ZC3H13: variants seen among roughly 807,000 people sequenced by gnomAD.
ZC3H13 encodes zinc finger CCCH domain-containing protein 13.
In ZC3H13, 64 loss-of-function variants were observed where a neutral mutation model predicts 204.1. The ratio of observed to expected loss-of-function variants is 0.31; its 90% CI spans 0.26 to 0.39. ZC3H13 has a LOEUF of 0.39. ZC3H13 is among the 10% of genes least tolerant of loss of function. The pLI is 1.00. For missense variants in ZC3H13, 1,833 were observed against 2,082.7 expected (o/e 0.88, Z 2.33); for synonymous variants, 667 against 693.7 (o/e 0.96, Z 0.60).
intron 7 of ZC3H13, among the ~76,000 whole-genome samples, chr13:46,006,370 A>G (rs2041150944): frequency 6.6e-6 from 1 of 152,014 alleles, no homozygotes; most frequent in South Asian, 2.1e-4. Flanking sequence ...ATAAAATAAA[A>G]TAAAATAAAA....
intron 4 of ZC3H13, among the ~76,000 whole-genome samples, chr13:46,021,101 T>C (rs1706886802): frequency 6.6e-6 from 1 of 152,016 alleles, no homozygotes; most frequent in Non-Finnish European, 1.5e-5. Flanking sequence ...GTCATTTTCC[T>C]AGACACCCAA....
intron 17 of ZC3H13, chr13:45,963,551 T>A: frequency 8.9e-7 from 1 of 1,128,994 alleles, no homozygotes; most frequent in Non-Finnish European, 1.1e-6. Context: ...CCTCCCTGAG[T>A]AGCTGTGACT....
At position 45,967,940 on chromosome 13, in the gene ZC3H13, G is replaced by A; in HGVS notation, c.3885C>T (p.Ser1295=). 1 of 1,613,822 alleles carries A rather than the reference G, an allele frequency of 6.2e-7. No individual in the cohort carries two copies. Among genetic ancestry groups the A allele is most frequent in the Non-Finnish European group, 8.5e-7 (1 of 1,179,892 alleles). Residue 1295 remains serine (S), a synonymous_variant, in exon 15 of 19, where the codon AGC becomes AGT. Transcript: ENST00000679008. Reference sequence around the variant, plus strand: ...GATCTCGTTCTTGAAGCCTGTCTCTGCTATCAAATGACCCAGATCTTGAAT... The same window carrying A: ...GATCTCGTTCTTGAAGCCTGTCTCTACTATCAAATGACCCAGATCTTGAAT... The part of the protein sequence containing the change: ...QVHSRSGSFD[S]RDRLQERDRY...
rs768609441 is a variant in ZC3H13 at position 45,967,787 on chromosome 13, CTCTCGT to C, written c.4032_4037del (p.Glu1348_Arg1349del). The C allele has an allele frequency of 8.7e-6, 14 of 1,611,782 alleles. 1 individual carries two copies. The South Asian group carries it at 9.9e-5, about 11-fold the overall frequency. On this transcript the variant is annotated inframe_deletion, in exon 15 of 19. Transcript: ENST00000679008. ...AGTCTCTCCTTTTGTCTCGTTCTCT[CTCTCGT>C]TCTCGTTCTCGCAATCTATCTCGAT...
intron 17 of ZC3H13, 40 bp from the exon 18 acceptor site, chr13:45,959,686 A>C: frequency 6.7e-7 from 1 of 1,481,532 alleles, no homozygotes; most frequent in Non-Finnish European, 9.0e-7. Context: ...TTTTACTAAA[A>C]TAGAAAAGGG....
At position 45,969,509 on chromosome 13, in the gene ZC3H13, C is replaced by T; in HGVS notation, c.3035G>A (p.Gly1012Asp). The T allele has an allele frequency of 6.2e-7, 1 of 1,604,110 alleles. No homozygotes were observed. The highest frequency in any genetic ancestry group is 8.5e-7 in the Non-Finnish European group (1 of 1,177,660). ...SIEKKRKKSKGDSDISDEEAA... is the reference protein window; with the variant it reads ...SIEKKRKKSKDDSDISDEEAA... Reference sequence around the variant, plus strand: ...TTCTTCATCAGAAATATCAGAATCACCTTTGGATTTTTTACGTTTTTTTTC... The same window carrying T: ...TTCTTCATCAGAAATATCAGAATCATCTTTGGATTTTTTACGTTTTTTTTC... Residue 1012 changes from glycine (G) to aspartate (D), a missense_variant, in exon 14 of 19, where the codon GGT becomes GAT. Coordinates refer to ENST00000679008, the MANE Select transcript of ZC3H13 (RefSeq NM_001330564.2).
rs552313436 is a variant in ZC3H13 at position 46,052,617 on chromosome 13, T to C, written c.-223A>G. 8 of 398,698 alleles carry C rather than the reference T, an allele frequency of 2.0e-5. No homozygotes were observed. The South Asian group carries it at 1.0e-3, about 51-fold the overall frequency. The allele number at this position is 398,698 out of a possible 1,614,324, so 24.7% of individuals were successfully genotyped here. A position where few individuals can be genotyped will look rare whatever the true frequency, so the allele number is the denominator to read the frequency against. On this transcript the variant is annotated 5_prime_UTR_variant, in exon 1 of 19. Coordinates refer to ENST00000679008, the MANE Select transcript of ZC3H13 (RefSeq NM_001330564.2). ...GCAGAACCAACCCGCCCGCCGCCTC[T>C]CCAGGGTCAAGCGAAACTGGGTCGC...
At chr13:46,032,380 C>A (rs67260464) in intron 4 of ZC3H13, among the ~76,000 whole-genome samples, 1,916 of 55,468 alleles carry the variant, frequency 0.035, 28 homozygotes, top group Non-Finnish European at 0.056. Context: ...AAAAAAAAAA[C>A]AGAGAAAATG....
chr13:46,009,299 C>T (rs1426387090), intron 7 of ZC3H13, among the ~76,000 whole-genome samples: 4 of 152,004 alleles, frequency 2.6e-5, no homozygotes, highest in Non-Finnish European at 5.9e-5. Flanking sequence ...AATGAAAAAC[C>T]ACTGAGTTTT....
In ZC3H13 at chr13:45,975,925, T is replaced by TA. The variant is rs1953005607; in HGVS notation, c.1913-88_1913-87insT. ...CATGGTAAATCTTAAATTTTATCTG[T>TA]GATAGGGTCACACTGGCAACAAATT... On this transcript the variant is annotated intron_variant, in intron 11 of 18. Transcript: ENST00000679008. 3.7e-6 allele frequency: 5 copies of TA among 1,338,618 alleles called. No homozygotes were observed. The African/African-American group carries it at 1.0e-4, about 27-fold the overall frequency. 82.9% of individuals were successfully genotyped at this position (1,338,618 alleles called of 1,614,324 possible).
At chr13:46,028,434 G>GT (rs1234744459) in intron 4 of ZC3H13, among the ~76,000 whole-genome samples, 1 of 152,166 alleles carries the variant, frequency 6.6e-6, no homozygotes, top group African/African-American at 2.4e-5. Context: ...TAAAAACACA[G>GT]TTGAACTCAA....
At chr13:46,018,464 A>G (rs1335162210) in intron 5 of ZC3H13, among the ~76,000 whole-genome samples, 1 of 152,008 alleles carries the variant, frequency 6.6e-6, no homozygotes, top group Non-Finnish European at 1.5e-5. Context: ...ACAAATGAAC[A>G]AGATTGCTGA....
intron 11 of ZC3H13, among the ~76,000 whole-genome samples, chr13:45,976,578 C>A (rs1160948816): frequency 1.3e-5 from 2 of 152,122 alleles, no homozygotes; most frequent in African/African-American, 2.4e-5. Context: ...TAACTGATAA[C>A]CTCATCACAT....
In ZC3H13 at chr13:46,003,175, T is replaced by C. The variant is rs778368729; in HGVS notation, c.908A>G (p.Asp303Gly). Residue 303 changes from aspartate to glycine, a missense_variant, in exon 8 of 19, where the codon GAT (aspartate) becomes GGT (glycine). This residue lies in a region of ZC3H13 where 1,574 missense variants were observed against 1,757.2 expected (regional missense o/e 0.90). Transcript: ENST00000679008. ...TCTCTTTTCTCTTTGTCGTTCAAAATCTCGTCCTCTGTCCTTTCCATCTCT... is the reference window on the plus strand; with the variant it reads ...TCTCTTTTCTCTTTGTCGTTCAAAACCTCGTCCTCTGTCCTTTCCATCTCT... ...KTRDGKDRGR[D>G]FERQREKRDK... 3.1e-6 allele frequency: 5 copies of C among 1,612,186 alleles called. No individual in the cohort carries two copies. Among genetic ancestry groups the C allele is most frequent in the Non-Finnish European group, 4.2e-6 (5 of 1,179,680 alleles).
At position 46,003,304 on chromosome 13, in the gene ZC3H13, C is replaced by G; in HGVS notation, c.779G>C (p.Gly260Ala). 1.2e-6 allele frequency: 2 copies of G among 1,608,324 alleles called. No individual in the cohort carries two copies. Among genetic ancestry groups the G allele is most frequent in the Non-Finnish European group, 1.7e-6 (2 of 1,178,696 alleles). ...NSKTNQSKKK[G>A]PRTPSPPPPI... ...AGGGGGTGGACTAGGAGTACGTGGTCCTTTCTTTTTACTTTGGTTGGTTTT... is the reference window on the plus strand; with the variant it reads ...AGGGGGTGGACTAGGAGTACGTGGTGCTTTCTTTTTACTTTGGTTGGTTTT... The change falls in exon 8 of 19, where the codon GGA (glycine) becomes GCA (alanine). Residue 260 changes from glycine (G) to alanine (A), a missense_variant. Gly to Ala is a moderately conservative substitution (Grantham distance 60, BLOSUM62 0). This residue lies in a region of ZC3H13 where 1,574 missense variants were observed against 1,757.2 expected (regional missense o/e 0.90). Transcript: ENST00000679008.
chr13:46,015,688 G>A (rs1458785452), intron 5 of ZC3H13, among the ~76,000 whole-genome samples: 1 of 152,024 alleles, frequency 6.6e-6, no homozygotes, highest in African/African-American at 2.4e-5. Context: ...CTTCGGAGTG[G>A]GGCCTGGAAA....
Position 45,964,111 on chromosome 13 carries a change from T to C in ZC3H13, c.4475-69A>G. 4.3e-6 allele frequency: 6 copies of C among 1,393,672 alleles called. No homozygotes were observed. In the South Asian group the frequency reaches 7.9e-5, roughly 18 times the overall value. The allele number at this position is 1,393,672 out of a possible 1,614,324, so 86.3% of individuals were successfully genotyped here. ...AGCAGTCTTGTTATCTACATAGACA[T>C]TTACATAAATCAAGGAGAAAACAGA... On this transcript the variant is annotated intron_variant, in intron 16 of 18. Coordinates refer to ENST00000679008, the MANE Select transcript of ZC3H13 (RefSeq NM_001330564.2).
At chr13:45,997,205 C>T (rs1269732707) in intron 8 of ZC3H13, among the ~76,000 whole-genome samples, 1 of 152,012 alleles carries the variant, frequency 6.6e-6, no homozygotes, top group African/African-American at 2.4e-5. Flanking sequence ...ATTTAAGGGC[C>T]GAAGTCTCCA....
intron 4 of ZC3H13, among the ~76,000 whole-genome samples, chr13:46,027,637 G>A (rs1490017754): frequency 1.3e-5 from 2 of 152,096 alleles, no homozygotes; most frequent in Non-Finnish European, 2.9e-5. Flanking sequence ...ATCCTTTAAA[G>A]AGCAGAAAAT....
Sources: allele counts gnomAD v4.1 joint callset (sites outside exome capture counted in the v4.1 genomes callset), GRCh38; gene constraint gnomAD v4.1.1; regional missense constraint gnomAD v4.1.1; transcripts MANE v1.5; gene names NCBI Gene and HGNC (gene_info 2026-07-23, HGNC 2026-07-21).